RABL6: variants seen among roughly 807,000 people sequenced by gnomAD.
The protein encoded by RABL6 is RAB, member RAS oncogene family like 6, also known as rab-like protein 6.
RABL6 carries 28 observed loss-of-function variants against 72.9 expected under a neutral mutation model. The ratio of observed to expected loss-of-function variants is 0.38; its 90% confidence interval spans 0.28 to 0.53. RABL6 has a LOEUF of 0.53. Among genes scored for constraint, RABL6 ranks in the 20% least tolerant of loss-of-function variants. The pLI is 0.80. For synonymous variants in RABL6, 477 were observed against 421.2 expected (o/e 1.13, Z -1.62); for missense variants, 1,029 against 1,008.4 (o/e 1.02, Z -0.28).
intron 1 of RABL6, chr9:136,813,832 G>C (rs1018299111): frequency 4.5e-6 from 1 of 219,808 alleles, no homozygotes; most frequent in East Asian, 1.7e-4. Flanking sequence ...AGCCAGGATG[G>C]TCTTGATCTC....
At chr9:136,835,611 G>A (rs542472307) in intron 7 of RABL6, 131 bp from the exon 8 acceptor site, 1 of 754,070 alleles carries the variant, frequency 1.3e-6, no homozygotes, top group African/African-American at 1.8e-5. Flanking sequence ...ATGAGTTGCT[G>A]AGCAGCCAGC....
chr9:136,819,447 GT>G (rs1848194653), intron 1 of RABL6, among the ~76,000 whole-genome samples: 1 of 152,136 alleles, frequency 6.6e-6, no homozygotes. Context: ...GGCAGCAGCA[GT>G]TGTCAGTAAA....
chr9:136,828,840 C>T lies in RABL6; in HGVS notation c.366+294C>T, dbSNP rs988837653. On this transcript the variant is annotated intron_variant, in intron 4 of 14. Transcript: ENST00000311502. ...ACTTTTATCCCAGTCTCGGTGGGCT[C>T]GGCCCTTCAAAGCACAGGACACATC... Among the ~76,000 whole-genome samples, 17 of 151,776 alleles carry T rather than the reference C, an allele frequency of 1.1e-4. 1 individual carries two copies. Among genetic ancestry groups the T allele is most frequent in the Non-Finnish European group, 2.1e-4 (14 of 67,932 alleles).
intron 1 of RABL6, 127 bp from the exon 2 acceptor site, chr9:136,823,398 G>C: frequency 1.5e-6 from 2 of 1,314,024 alleles, no homozygotes; most frequent in Admixed American, 4.3e-5. Context: ...CGGTCACCTG[G>C]TCTGATTCTA....
At chr9:136,810,101 A>T (rs1184280522) in intron 1 of RABL6, 3 of 152,278 alleles carry the variant, frequency 2.0e-5, no homozygotes, top group African/African-American at 7.2e-5. Context: ...GAGTCAAAAT[A>T]ACTGAGTTTA....
intron 13 of RABL6, 76 bp from the exon 14 acceptor site, chr9:136,840,078 T>G: frequency 4.4e-6 from 7 of 1,595,860 alleles, no homozygotes; most frequent in Non-Finnish European, 5.2e-6. Context: ...TTTGTGAGTT[T>G]CTAGAGAAGT....
intron 1 of RABL6, among the ~76,000 whole-genome samples, chr9:136,817,584 G>GACGTGGGCTGAGGGGAGGCCA (rs1848146335): frequency 6.7e-6 from 1 of 150,076 alleles, no homozygotes; most frequent in African/African-American, 2.5e-5. Context: ...TGGGGAGGCC[G>GACGTGGGCTGAGGGGAGGCCA]ACGTGGGCTG....
intron 1 of RABL6, chr9:136,815,406 T>A: frequency 3.6e-6 from 1 of 279,798 alleles, no homozygotes; most frequent in Non-Finnish European, 7.2e-6. Context: ...TGTGACAGTC[T>A]CTTCTCCACA....
chr9:136,813,346 C>T (rs1449170736), intron 1 of RABL6: 7 of 834,018 alleles, frequency 8.4e-6, no homozygotes, highest in African/African-American at 5.1e-5. Context: ...TGCCTTGTCT[C>T]AGATTCTTTC....
At chr9:136,814,750 T>TA (rs762218422) in intron 1 of RABL6, 255 of 141,868 alleles carry the variant, frequency 1.8e-3, no homozygotes, top group Middle Eastern at 7.1e-3. Flanking sequence ...GACCCTGTCT[T>TA]AAAAAAAAAA....
Position 136,826,287 on chromosome 9 carries a change from G to A in RABL6, c.313+461G>A, listed in dbSNP as rs1171612071. Among the ~76,000 whole-genome samples the A allele has an allele frequency of 3.9e-5, 6 of 152,132 alleles. No individual in the cohort carries two copies. Among genetic ancestry groups the A allele is most frequent in the Non-Finnish European group, 1.5e-5 (1 of 67,982 alleles). ...CCGTGGGAGGGCAGCACCAGCCCCCGGGGTGTCCTCGACATCGTTGGTCTC... is the reference window on the plus strand; with the variant it reads ...CCGTGGGAGGGCAGCACCAGCCCCCAGGGTGTCCTCGACATCGTTGGTCTC... On this transcript the variant is annotated intron_variant, in intron 3 of 14. Coordinates refer to ENST00000311502, the MANE Select transcript of RABL6 (RefSeq NM_024718.5). The surrounding 1 kb of genome is among the most constrained non-coding windows in gnomAD (Gnocchi z 4.9).
At chr9:136,821,807 A>AGG in intron 1 of RABL6, 1 of 1,178,316 alleles carries the variant, frequency 8.5e-7, no homozygotes, top group African/African-American at 1.7e-5. Flanking sequence ...CGGGAGAGGG[A>AGG]GGGGAACGAG....
intron 3 of RABL6, 131 bp from the exon 4 acceptor site, chr9:136,828,363 A>C (rs932594161): frequency 5.9e-6 from 5 of 848,428 alleles, no homozygotes; most frequent in Non-Finnish European, 9.6e-6. Context: ...CCCACGCTGC[A>C]GGCTGTTTGG....
At chr9:136,812,483 C>T (rs1421873141) in intron 1 of RABL6, among the ~76,000 whole-genome samples, 6 of 152,008 alleles carry the variant, frequency 3.9e-5, no homozygotes, top group East Asian at 1.9e-4. Context: ...CGCTTGAACC[C>T]GGGAGGCAGA....
chr9:136,838,662 G>T (rs1848627248), intron 10 of RABL6, among the ~76,000 whole-genome samples: 1 of 152,244 alleles, frequency 6.6e-6, no homozygotes. Context: ...GCCCACTTGT[G>T]CGGCTCCACA....
In RABL6 at chr9:136,831,855, T is replaced by G. The variant is rs1328058536; in HGVS notation, c.593T>G (p.Leu198Arg). ...PDDVRDFIDNLDRPPGSSYFR... is the reference protein window; with the variant it reads ...PDDVRDFIDNRDRPPGSSYFR... ...GACGTGCGTGACTTCATCGACAACC[T>G]GGACAGGTGGGTGCGGTGGCCCTGC... The change falls in exon 6 of 15, where the codon CTG (leucine) becomes CGG (arginine). Residue 198 changes from leucine (L) to arginine (R), a missense_variant. Physicochemically the swap from Leu to Arg is moderately radical, Grantham distance 102. Coordinates refer to ENST00000311502, the MANE Select transcript of RABL6 (RefSeq NM_024718.5). 6.2e-7 allele frequency: 1 copy of G among 1,610,172 alleles called. No individual in the cohort carries two copies. Among genetic ancestry groups the G allele is most frequent in the South Asian group, 1.1e-5 (1 of 90,890 alleles).
At chr9:136,820,243 T>C (rs947136638) in intron 1 of RABL6, among the ~76,000 whole-genome samples, 1 of 149,678 alleles carries the variant, frequency 6.7e-6, no homozygotes, top group Non-Finnish European at 1.5e-5. Context: ...CAGATGTCTG[T>C]AGTCTGAGCT....
At chr9:136,835,531 TGTC>T (rs1380449433) in intron 7 of RABL6, 22 of 541,920 alleles carry the variant, frequency 4.1e-5, no homozygotes, top group Non-Finnish European at 6.6e-5. Flanking sequence ...AGTGTGTAGG[TGTC>T]GTGCCGGCCA....
chr9:136,808,083 C>G lies in RABL6; in HGVS notation c.-114C>G, dbSNP rs1847905178. Reference sequence around the variant, plus strand: ...CCGGGACCCCGGCCTCTGGCCGCGCCGGCTCCGGCCTCCGGGGGGGCCGGG... The same window carrying G: ...CCGGGACCCCGGCCTCTGGCCGCGCGGGCTCCGGCCTCCGGGGGGGCCGGG... On this transcript the variant is annotated 5_prime_UTR_variant, in exon 1 of 15. Coordinates refer to ENST00000311502, the MANE Select transcript of RABL6 (RefSeq NM_024718.5). 2.5e-6 allele frequency: 3 copies of G among 1,182,434 alleles called. No individual in the cohort carries two copies. Among genetic ancestry groups the G allele is most frequent in the South Asian group, 6.9e-5 (2 of 28,924 alleles). The allele number at this position is 1,182,434 out of a possible 1,614,324, so 73.2% of individuals were successfully genotyped here. A position where few individuals can be genotyped will look rare whatever the true frequency, so the allele number is the denominator to read the frequency against.
Sources: gnomAD v4.1 joint callset for allele counts (sites outside exome capture counted in the v4.1 genomes callset) on GRCh38, gnomAD v4.1.1 for gene constraint, Gnocchi (gnomAD v3.1) non-coding constraint, MANE v1.5 for transcripts, NCBI Gene and HGNC (gene_info 2026-07-23, HGNC 2026-07-21) for gene names.